Variants in RCAN1 observed in about 807,000 individuals in gnomAD.
The protein encoded by RCAN1 is calcipressin-1.
A neutral mutation model predicts 22.9 loss-of-function variants in RCAN1; 11 were observed. The ratio of observed to expected loss-of-function variants is 0.48; its 90% CI spans 0.30 to 0.79. The LOEUF is 0.79. Among genes scored for constraint, RCAN1 ranks in the 30% least tolerant of loss-of-function variants. RCAN1 has a pLI of 0.06. For synonymous variants in RCAN1, 136 were observed against 142.3 expected, an observed-to-expected ratio of 0.96 and a Z score of 0.32; for missense variants, 291 against 337.8, an observed-to-expected ratio of 0.86 and a Z score of 1.09.
At chr21:34,557,170 G>A (rs540447880) in intron 1 of RCAN1, among the ~76,000 whole-genome samples, 5 of 152,238 alleles carry the variant, frequency 3.3e-5, no homozygotes, top group Admixed American at 6.5e-5. Flanking sequence ...CCGAGATCAC[G>A]CCACTGCACT....
At chr21:34,595,560 C>A (rs1988119678) in intron 1 of RCAN1, among the ~76,000 whole-genome samples, 2 of 152,146 alleles carry the variant, frequency 1.3e-5, no homozygotes, top group Non-Finnish European at 1.5e-5. Context: ...GGAGCCCAGG[C>A]TCTGCAGGTT....
intron 2 of RCAN1, chr21:34,523,263 C>G (rs1984732512): frequency 5.0e-6 from 2 of 403,308 alleles, no homozygotes; most frequent in East Asian, 9.8e-5. Flanking sequence ...CCCGCTGCAC[C>G]CTGCAAGCTC....
At chr21:34,540,780 T>C (rs920863280) in intron 1 of RCAN1, among the ~76,000 whole-genome samples, 23 of 151,078 alleles carry the variant, frequency 1.5e-4, no homozygotes, top group Non-Finnish European at 2.7e-4. Flanking sequence ...AGGTCAGGAG[T>C]TCGAGACAAG....
intron 1 of RCAN1, among the ~76,000 whole-genome samples, chr21:34,601,817 CAAAAAAA>C (rs202036960): frequency 0.26 from 21,602 of 83,384 alleles, 1,898 homozygotes; most frequent in South Asian, 0.35. Context: ...GACTCTGTCT[CAAAAAAA>C]AAAAAAAAAA....
chr21:34,601,675 A>G (rs568902736), intron 1 of RCAN1, among the ~76,000 whole-genome samples: 31 of 152,116 alleles, frequency 2.0e-4, no homozygotes, highest in Admixed American at 5.2e-4. Context: ...AAAATTAGCC[A>G]GGCGTGGTGG....
intron 1 of RCAN1, among the ~76,000 whole-genome samples, chr21:34,544,303 T>C (rs1241542527): frequency 2.6e-5 from 4 of 152,206 alleles, no homozygotes; most frequent in Admixed American, 1.3e-4. Flanking sequence ...GGAGAAAGGA[T>C]GGGAGAGACA....
intron 1 of RCAN1, among the ~76,000 whole-genome samples, chr21:34,613,541 C>T (rs909134854): frequency 2.6e-5 from 4 of 152,316 alleles, no homozygotes; most frequent in Admixed American, 2.0e-4. Context: ...TGCCGTCTTA[C>T]GTGACTTGAC....
intron 2 of RCAN1, among the ~76,000 whole-genome samples, chr21:34,523,334 A>G (rs1012599): frequency 0.56 from 85,851 of 152,140 alleles, 24,619 homozygotes; most frequent in East Asian, 0.86. Flanking sequence ...GGTCAGGGGC[A>G]ATGTCTGAGG....
chr21:34,589,651 G>T (rs975268007), intron 1 of RCAN1, among the ~76,000 whole-genome samples: 4 of 152,114 alleles, frequency 2.6e-5, no homozygotes, highest in Non-Finnish European at 5.9e-5. Context: ...TTCCCAATGT[G>T]GGTGGGCATC....
At chr21:34,535,939 A>G (rs1985651181) in intron 1 of RCAN1, among the ~76,000 whole-genome samples, 1 of 152,136 alleles carries the variant, frequency 6.6e-6, no homozygotes, top group Admixed American at 6.5e-5. Context: ...AGAAAAATAA[A>G]ATAATTGGGA....
rs143153038 is a variant in RCAN1 at position 34,550,649 on chromosome 21, T to G, written c.253-26939A>C. 9.2e-5 allele frequency among the ~76,000 whole-genome samples: 14 copies of G among 152,294 alleles called. 1 individual carries two copies. Among genetic ancestry groups the G allele is most frequent in the African/African-American group, 3.4e-4 (14 of 41,558 alleles). ...TTGTGAAACAACACATTTCTGTTGT[T>G]TAAGCCACCCAGTCTGTAGTATTCA... is the stretch of plus-strand genomic sequence containing the variant. On this transcript the variant is annotated intron_variant, in intron 1 of 3. Transcript: ENST00000313806.
intron 1 of RCAN1, among the ~76,000 whole-genome samples, chr21:34,583,631 C>A (rs1987696105): frequency 1.3e-5 from 2 of 152,162 alleles, no homozygotes; most frequent in Admixed American, 1.3e-4. Context: ...AGAGAGGCCT[C>A]AGGAGGAGCC....
intron 1 of RCAN1, among the ~76,000 whole-genome samples, chr21:34,550,859 C>T (rs1986338221): frequency 6.6e-6 from 1 of 152,200 alleles, no homozygotes; most frequent in Admixed American, 6.5e-5. Flanking sequence ...CTTCAGTCCC[C>T]CATACTAAGG....
chr21:34,557,451 G>A (rs1986623530), intron 1 of RCAN1, among the ~76,000 whole-genome samples: 1 of 152,156 alleles, frequency 6.6e-6, no homozygotes, highest in Non-Finnish European at 1.5e-5. Context: ...TGCAGGTCAC[G>A]TGATTGCTCA....
chr21:34,532,787 T>C (rs1269078594), intron 1 of RCAN1, among the ~76,000 whole-genome samples: 3 of 152,196 alleles, frequency 2.0e-5, no homozygotes, highest in Non-Finnish European at 4.4e-5. Context: ...TAGAAAAGAA[T>C]AGATAAATGA....
At chr21:34,595,719 G>A (rs945285665) in intron 1 of RCAN1, among the ~76,000 whole-genome samples, 27 of 152,322 alleles carry the variant, frequency 1.8e-4, no homozygotes, top group African/African-American at 6.5e-4. Flanking sequence ...CACTGCCTTC[G>A]CCGGCCACTG....
chr21:34,563,185 C>T (rs1203214860), intron 1 of RCAN1, among the ~76,000 whole-genome samples: 1 of 152,172 alleles, frequency 6.6e-6, no homozygotes, highest in Non-Finnish European at 1.5e-5. Context: ...CACCAGAAAC[C>T]TGAGAATACA....
chr21:34,534,651 G>A (rs1985582188), intron 1 of RCAN1, among the ~76,000 whole-genome samples: 1 of 152,208 alleles, frequency 6.6e-6, no homozygotes. Flanking sequence ...ATGGCTTCTG[G>A]TGTGACAGAC....
At chr21:34,563,915 G>A (rs1315027936) in intron 1 of RCAN1, among the ~76,000 whole-genome samples, 14 of 150,926 alleles carry the variant, frequency 9.3e-5, no homozygotes, top group Non-Finnish European at 1.3e-4. Flanking sequence ...GCAGTGAGCC[G>A]AGATAGTGCC....
Sources: gnomAD v4.1 joint callset for allele counts (sites outside exome capture counted in the v4.1 genomes callset) on GRCh38, gnomAD v4.1.1 for gene constraint, MANE v1.5 for transcripts, NCBI Gene and HGNC (gene_info 2026-07-23, HGNC 2026-07-21) for gene names.